ENAH: variants seen among roughly 807,000 people sequenced by gnomAD.
ENAH encodes protein enabled homolog.
ENAH carries 23 observed loss-of-function variants against 78.7 expected under a neutral mutation model. That is an observed-to-expected ratio of 0.29 (90% CI 0.21 to 0.41). The LOEUF (loss-of-function observed/expected upper bound fraction) is 0.41. ENAH is among the 10% of genes least tolerant of loss of function. ENAH has a pLI of 1.00. For missense variants in ENAH, 544 were observed against 691.0 expected (o/e 0.79, Z 2.39); for synonymous variants, 226 against 241.0 (o/e 0.94, Z 0.58).
At chr1:225,556,548 CTTT>C (rs1183366175) in intron 2 of ENAH, among the ~76,000 whole-genome samples, 1 of 151,984 alleles carries the variant, frequency 6.6e-6, no homozygotes, top group Non-Finnish European at 1.5e-5. Flanking sequence ...CTTTTTTCTT[CTTT>C]GATTTCTAAG....
chr1:225,524,409 G>C (rs2096490345), intron 4 of ENAH, among the ~76,000 whole-genome samples: 1 of 152,198 alleles, frequency 6.6e-6, no homozygotes, highest in Non-Finnish European at 1.5e-5. Flanking sequence ...AAAATGTTCT[G>C]AGTTGGTAAT....
intron 2 of ENAH, among the ~76,000 whole-genome samples, chr1:225,558,330 A>G (rs1247994255): frequency 2.0e-5 from 3 of 152,182 alleles, no homozygotes; most frequent in African/African-American, 7.2e-5. Flanking sequence ...TGAAAAGAAC[A>G]CCACCAGTAG....
At chr1:225,596,037 TTGACA>T (rs751825491) in intron 1 of ENAH, among the ~76,000 whole-genome samples, 1 of 152,202 alleles carries the variant, frequency 6.6e-6, no homozygotes, top group Non-Finnish European at 1.5e-5. Flanking sequence ...TCTCAGCATC[TTGACA>T]TAATTCTATA....
rs746549168 is a variant in ENAH, at chr1:225,650,848, T to TAAAAAA, written c.5+1832_5+1837dup. Among the ~76,000 whole-genome samples, 123 of 58,926 alleles carry TAAAAAA rather than the reference T, an allele frequency of 2.1e-3. 1 individual carries two copies. The highest frequency in any genetic ancestry group is 2.8e-3 in the Non-Finnish European group (93 of 33,360). The allele number at this position is 58,926 out of a possible 152,430, so 38.7% of individuals were successfully genotyped here. A position where few individuals can be genotyped will look rare whatever the true frequency, so the allele number is the denominator to read the frequency against. ...CTGGGCAAGAGAGCAAGACTGCATT[T>TAAAAAA]AAAAAAAAAAAAAAAAAAAAAAAAA... On this transcript the variant is annotated intron_variant, in intron 1 of 13. Coordinates refer to ENST00000366843, the MANE Select transcript of ENAH (RefSeq NM_018212.6).
chr1:225,503,893 AT>A (rs147879037), intron 11 of ENAH, among the ~76,000 whole-genome samples: 1 of 152,042 alleles, frequency 6.6e-6, no homozygotes, highest in Non-Finnish European at 1.5e-5. Context: ...CTTGATGTAT[AT>A]TTTTTTAAAA....
In ENAH at chr1:225,494,400, T is replaced by C. The variant is rs1378419660; in HGVS notation, c.*3375A>G. On this transcript the variant is annotated 3_prime_UTR_variant, in exon 14 of 14. Coordinates refer to ENST00000366843, the MANE Select transcript of ENAH (RefSeq NM_018212.6). Reference sequence around the variant, plus strand: ...TAAAATTCATTACTCAATAATGCCCTTTACCACACAATGTCCTTTACCATG... The same window carrying C: ...TAAAATTCATTACTCAATAATGCCCCTTACCACACAATGTCCTTTACCATG... 2 of 152,190 alleles carry C rather than the reference T, an allele frequency of 1.3e-5. No homozygotes were observed. Among genetic ancestry groups the C allele is most frequent in the Non-Finnish European group, 2.9e-5 (2 of 68,002 alleles). 9.4% of individuals were successfully genotyped at this position (152,190 alleles called of 1,614,324 possible). A position where few individuals can be genotyped will look rare whatever the true frequency, so the allele number is the denominator to read the frequency against.
At chr1:225,647,618 G>A (rs1044839980) in intron 1 of ENAH, among the ~76,000 whole-genome samples, 2 of 152,168 alleles carry the variant, frequency 1.3e-5, no homozygotes, top group African/African-American at 4.8e-5. Flanking sequence ...TATTCCTGGA[G>A]TCAGGATGTG....
At chr1:225,563,178 TA>T (rs1306607827) in intron 2 of ENAH, among the ~76,000 whole-genome samples, 1 of 152,226 alleles carries the variant, frequency 6.6e-6, no homozygotes, top group Non-Finnish European at 1.5e-5. Flanking sequence ...TTAGTTCTAA[TA>T]GTTTATCCGC....
intron 8 of ENAH, 76 bp downstream of exon 8, chr1:225,512,795 A>G (rs2096387666): frequency 1.2e-6 from 2 of 1,607,222 alleles, no homozygotes; most frequent in East Asian, 4.5e-5. Flanking sequence ...AAAGAAGTGC[A>G]TCTAGTTAGT....
At chr1:225,630,493 T>C (rs1206328354) in intron 1 of ENAH, among the ~76,000 whole-genome samples, 2 of 152,188 alleles carry the variant, frequency 1.3e-5, no homozygotes, top group Non-Finnish European at 2.9e-5. Flanking sequence ...CTGGACTAAG[T>C]TACTAAATGG....
At chr1:225,620,285 T>C (rs1656570834) in intron 1 of ENAH, among the ~76,000 whole-genome samples, 1 of 152,020 alleles carries the variant, frequency 6.6e-6, no homozygotes, top group Non-Finnish European at 1.5e-5. Context: ...CCCAGCACTT[T>C]GGGAGGCCGC....
chr1:225,590,018 A>T (rs1026111501), intron 1 of ENAH, among the ~76,000 whole-genome samples: 2 of 151,014 alleles, frequency 1.3e-5, no homozygotes, highest in Non-Finnish European at 3.0e-5. Context: ...GTTGAGAAAC[A>T]ACATATAAAT....
At chr1:225,593,472 AG>A (rs1201086619) in intron 1 of ENAH, among the ~76,000 whole-genome samples, 1 of 143,132 alleles carries the variant, frequency 7.0e-6, no homozygotes, top group Non-Finnish European at 1.5e-5. Flanking sequence ...TTGTGACAAG[AG>A]GAAGACTGAA....
chr1:225,511,013 C>A (rs1385177812), intron 10 of ENAH, among the ~76,000 whole-genome samples: 1 of 151,804 alleles, frequency 6.6e-6, no homozygotes, highest in Admixed American at 6.6e-5. Flanking sequence ...AGAGCAAGAC[C>A]CCATCTCAAA....
chr1:225,600,133 C>T (rs754246289), intron 1 of ENAH, among the ~76,000 whole-genome samples: 1 of 152,216 alleles, frequency 6.6e-6, no homozygotes, highest in Non-Finnish European at 1.5e-5. Context: ...CCAATTAAAC[C>T]TCTTCTCTTT....
intron 6 of ENAH, among the ~76,000 whole-genome samples, chr1:225,516,604 G>T (rs2096419365): frequency 6.6e-6 from 1 of 152,122 alleles, no homozygotes; most frequent in South Asian, 2.1e-4. Context: ...GCTGGGTGCG[G>T]TGCTCACACT....
intron 1 of ENAH, among the ~76,000 whole-genome samples, chr1:225,599,146 C>T (rs1371070979): frequency 6.6e-6 from 1 of 151,996 alleles, no homozygotes; most frequent in Non-Finnish European, 1.5e-5. Flanking sequence ...AACAATGAAA[C>T]AAATCCAAAA....
intron 1 of ENAH, among the ~76,000 whole-genome samples, chr1:225,596,748 T>C (rs1158982267): frequency 6.6e-6 from 1 of 152,164 alleles, no homozygotes; most frequent in Non-Finnish European, 1.5e-5. Flanking sequence ...ATTTTACAGA[T>C]AGCCACAAAA....
intron 1 of ENAH, among the ~76,000 whole-genome samples, chr1:225,626,578 A>T (rs1328116313): frequency 2.6e-5 from 4 of 152,240 alleles, no homozygotes; most frequent in Non-Finnish European, 5.9e-5. Flanking sequence ...CCAAACACTG[A>T]ATCTCTTGGC....
Sources: gnomAD v4.1 joint callset for allele counts (sites outside exome capture counted in the v4.1 genomes callset) on GRCh38, gnomAD v4.1.1 for gene constraint, MANE v1.5 for transcripts, NCBI Gene and HGNC (gene_info 2026-07-23, HGNC 2026-07-21) for gene names.